The following MARCHF11 variants were observed in gnomAD, a reference collection of about 807,000 sequenced individuals.
MARCHF11 encodes the protein membrane associated ring-CH-type finger 11.
A neutral mutation model predicts 37.3 loss-of-function variants in MARCHF11; 29 were observed. The observed-to-expected ratio is 0.78, with a 90% confidence interval of 0.58 to 1.06. The LOEUF (loss-of-function observed/expected upper bound fraction) is 1.06, where lower values mean the gene tolerates loss of function less well. Ranked by LOEUF, MARCHF11 falls within the 50% of genes least tolerant of loss-of-function variation. MARCHF11 has a pLI of 0.00. For missense variants in MARCHF11, 482 were observed against 533.4 expected, an observed-to-expected ratio of 0.90 and a Z score of 0.95; for synonymous variants, 233 against 228.0, an observed-to-expected ratio of 1.02 and a Z score of -0.20.
intron 2 of MARCHF11, among the ~76,000 whole-genome samples, chr5:16,138,327 C>T (rs191926424): frequency 6.6e-6 from 1 of 152,200 alleles, no homozygotes; most frequent in African/African-American, 2.4e-5. Context: ...TCAAATGGTG[C>T]AAGCCCCAAG....
intron 2 of MARCHF11, among the ~76,000 whole-genome samples, chr5:16,163,029 T>C (rs1738108899): frequency 6.6e-6 from 1 of 152,072 alleles, no homozygotes; most frequent in East Asian, 1.9e-4. Flanking sequence ...CTTTTTTTAT[T>C]ATATTACACT....
chr5:16,092,964 A>T (rs1203703128), intron 2 of MARCHF11, among the ~76,000 whole-genome samples: 1 of 152,188 alleles, frequency 6.6e-6, no homozygotes, highest in Non-Finnish European at 1.5e-5. Context: ...GCTCTTGTTC[A>T]GTTTTGATAC....
chr5:16,096,680 G>A (rs1736874663), intron 2 of MARCHF11, among the ~76,000 whole-genome samples: 1 of 152,200 alleles, frequency 6.6e-6, no homozygotes, highest in Non-Finnish European at 1.5e-5. Context: ...AAGGAGGGAA[G>A]AGAAAGCTAT....
intron 2 of MARCHF11, among the ~76,000 whole-genome samples, chr5:16,144,677 G>A (rs1170195147): frequency 1.3e-5 from 2 of 152,186 alleles, no homozygotes; most frequent in Non-Finnish European, 2.9e-5. Flanking sequence ...TCCGCACCCA[G>A]TGAAATTATA....
intron 3 of MARCHF11, among the ~76,000 whole-genome samples, chr5:16,086,769 G>C (rs535773102): frequency 2.4e-4 from 37 of 152,254 alleles, no homozygotes; most frequent in African/African-American, 8.7e-4. Flanking sequence ...CCCTCTTCTG[G>C]TCCCTCAAAC....
intron 2 of MARCHF11, among the ~76,000 whole-genome samples, chr5:16,154,211 C>A (rs563387622): frequency 6.6e-5 from 10 of 151,954 alleles, no homozygotes; most frequent in Non-Finnish European, 1.3e-4. Flanking sequence ...TGTAGCTACA[C>A]GTCTAGCAAA....
intron 2 of MARCHF11, among the ~76,000 whole-genome samples, chr5:16,163,783 T>C (rs1427970628): frequency 6.6e-6 from 1 of 152,086 alleles, no homozygotes; most frequent in African/African-American, 2.4e-5. Context: ...TGTGATACTA[T>C]TAAGACGTGG....
At chr5:16,158,262 T>C (rs945969653) in intron 2 of MARCHF11, among the ~76,000 whole-genome samples, 1 of 151,900 alleles carries the variant, frequency 6.6e-6, no homozygotes, top group Non-Finnish European at 1.5e-5. Context: ...GAAAGCAGTA[T>C]GATGGTTACC....
chr5:16,099,125 A>C (rs1373493213), intron 2 of MARCHF11, among the ~76,000 whole-genome samples: 1 of 152,180 alleles, frequency 6.6e-6, no homozygotes, highest in Non-Finnish European at 1.5e-5. Context: ...GTGAACATTA[A>C]AAAAGGAATG....
chr5:16,163,449 T>A (rs1054190605), intron 2 of MARCHF11, among the ~76,000 whole-genome samples: 2 of 151,958 alleles, frequency 1.3e-5, no homozygotes, highest in African/African-American at 2.4e-5. Flanking sequence ...ATTGATAACA[T>A]CACAATCAGA....
Position 16,121,863 on chromosome 5 carries a change from T to C in MARCHF11, c.694-30782A>G, listed in dbSNP as rs997380750. Among the ~76,000 whole-genome samples the C allele has an allele frequency of 6.6e-5, 10 of 152,314 alleles. No homozygotes were observed. The South Asian group carries it at 2.1e-3, about 32-fold the overall frequency. On this transcript the variant is annotated intron_variant, in intron 2 of 3. Coordinates refer to ENST00000332432, the MANE Select transcript of MARCHF11 (RefSeq NM_001102562.3). ...ACCATCAATATTATTGTAGCAATAC[T>C]ATCACAGCTGTCCATAATAACAGTG...
intron 2 of MARCHF11, among the ~76,000 whole-genome samples, chr5:16,144,934 T>G (rs1737775895): frequency 6.6e-6 from 1 of 152,012 alleles, no homozygotes; most frequent in South Asian, 2.1e-4. Context: ...ATGATAGAAA[T>G]GAGAAAAAGA....
At chr5:16,091,102 T>C (rs1736785034) in intron 2 of MARCHF11, 21 bp from the exon 3 acceptor site, 4 of 1,538,238 alleles carry the variant, frequency 2.6e-6, no homozygotes, top group East Asian at 2.4e-5. Context: ...AACAGAGGCA[T>C]GTAAGAAAGG....
chr5:16,142,442 A>G (rs1342498090), intron 2 of MARCHF11, among the ~76,000 whole-genome samples: 1 of 152,176 alleles, frequency 6.6e-6, no homozygotes, highest in African/African-American at 2.4e-5. Context: ...GTCTTAAGCC[A>G]AGTAGACAGC....
intron 2 of MARCHF11, among the ~76,000 whole-genome samples, chr5:16,116,601 T>C (rs569042378): frequency 3.8e-4 from 57 of 152,000 alleles, no homozygotes; most frequent in Admixed American, 2.2e-3. Context: ...AAAGATGCCA[T>C]AGTGACTTTA....
chr5:16,135,453 A>G (rs1447934388), intron 2 of MARCHF11, among the ~76,000 whole-genome samples: 1 of 152,218 alleles, frequency 6.6e-6, no homozygotes, highest in African/African-American at 2.4e-5. Flanking sequence ...ATAATTAAAC[A>G]TGAGATTAAT....
chr5:16,122,937 G>T (rs114150158), intron 2 of MARCHF11, among the ~76,000 whole-genome samples: 1 of 152,094 alleles, frequency 6.6e-6, no homozygotes, highest in African/African-American at 2.4e-5. Context: ...TGTTAGTTTC[G>T]CATGTATTGC....
intron 2 of MARCHF11, among the ~76,000 whole-genome samples, chr5:16,093,073 C>T (rs912234683): frequency 3.3e-5 from 5 of 152,164 alleles, no homozygotes; most frequent in African/African-American, 1.2e-4. Flanking sequence ...CGTTACTTTA[C>T]CCTTTAGCAA....
At chr5:16,105,088 C>G (rs1737016654) in intron 2 of MARCHF11, among the ~76,000 whole-genome samples, 2 of 152,240 alleles carry the variant, frequency 1.3e-5, no homozygotes, top group South Asian at 4.1e-4. Flanking sequence ...TAGACGAAGT[C>G]TGATGGAAGA....
Sources: allele counts gnomAD v4.1 joint callset (sites outside exome capture counted in the v4.1 genomes callset), GRCh38; gene constraint gnomAD v4.1.1; transcripts MANE v1.5; gene names NCBI Gene and HGNC (gene_info 2026-07-23, HGNC 2026-07-21).